The following LRRC1 variants were observed in gnomAD, a reference collection of about 807,000 sequenced individuals.
The protein encoded by LRRC1 is leucine rich repeat containing 1.
LRRC1 carries 28 observed loss-of-function variants against 69.9 expected under a neutral mutation model. That is an observed-to-expected ratio of 0.40 (90% confidence interval 0.30 to 0.55). The LOEUF is 0.55. Among genes scored for constraint, LRRC1 ranks in the 20% least tolerant of loss-of-function variants. The pLI, the probability that LRRC1 is intolerant of heterozygous loss-of-function variation, is 0.47. For missense variants in LRRC1, 498 were observed against 609.0 expected (o/e 0.82, Z 1.92); for synonymous variants, 236 against 240.2 (o/e 0.98, Z 0.16).
intron 4 of LRRC1, among the ~76,000 whole-genome samples, chr6:53,892,011 TACAC>T (rs70980877): frequency 0.38 from 51,221 of 135,346 alleles, 9,540 homozygotes; most frequent in Middle Eastern, 0.45. Context: ...TATATATATA[TACAC>T]ACACACACAC....
chr6:53,819,401 A>G (rs1464037063), intron 1 of LRRC1, among the ~76,000 whole-genome samples: 1 of 152,170 alleles, frequency 6.6e-6, no homozygotes, highest in Admixed American at 6.5e-5. Flanking sequence ...AGAAGACGTT[A>G]TGTTCCTACC....
rs532609224 is a variant in LRRC1, at chr6:53,817,818, C to T, written c.159+22403C>T. Among the ~76,000 whole-genome samples the T allele has an allele frequency of 2.0e-5, 3 of 151,996 alleles. No homozygotes were observed. In the East Asian group the frequency reaches 5.8e-4, roughly 29 times the overall value. On this transcript the variant is annotated intron_variant, in intron 1 of 13. Coordinates refer to ENST00000370888, the MANE Select transcript of LRRC1 (RefSeq NM_018214.5). ...TGCAGATTGCCTCAGTTTTTGTATC[C>T]CTAGAATCTAGGGTACTACAGTAAT...
intron 4 of LRRC1, among the ~76,000 whole-genome samples, chr6:53,893,627 C>T (rs1767773724): frequency 6.6e-6 from 1 of 152,242 alleles, no homozygotes; most frequent in African/African-American, 2.4e-5. Context: ...ATTGCAGATA[C>T]TCCAAAATCC....
chr6:53,856,932 G>C (rs528531519), intron 2 of LRRC1, among the ~76,000 whole-genome samples: 1 of 152,128 alleles, frequency 6.6e-6, no homozygotes, highest in Non-Finnish European at 1.5e-5. Context: ...TTGCTGGAGC[G>C]GGAGGGAGAG....
intron 1 of LRRC1, among the ~76,000 whole-genome samples, chr6:53,808,054 C>T (rs1188946522): frequency 1.3e-5 from 2 of 152,150 alleles, no homozygotes; most frequent in Non-Finnish European, 2.9e-5. Context: ...GGGTTTTCAT[C>T]AGTTGAAGTG....
Position 53,913,874 on chromosome 6 carries a change from C to T in LRRC1, c.1011C>T (p.Leu337=). The T allele has an allele frequency of 1.2e-6, 2 of 1,606,972 alleles. No individual in the cohort carries two copies. Among genetic ancestry groups the T allele is most frequent in the Non-Finnish European group, 1.7e-6 (2 of 1,174,986 alleles). Residue 337 remains leucine (L), a synonymous_variant, in exon 11 of 14, where the codon CTC becomes CTT. Transcript: ENST00000370888. The stretch of plus-strand genomic sequence containing the variant: ...CATAGATCGGCGGGTGCTGCAGCCT[C>T]ACTGTGTTCTGTGTACGTGACAACA... ...LPKEIGGCCS[L]TVFCVRDNRL...
In LRRC1 at chr6:53,828,415, GC is replaced by G. The variant is rs1462049297; in HGVS notation, c.160-13693del. On this transcript the variant is annotated intron_variant, in intron 1 of 13. Transcript: ENST00000370888. Reference sequence around the variant, plus strand: ...GGCTGATGCCGGAGGGGCTGGCCTAGCCAGGCTTGTCTCCGTTTTCCAATAT... The same window carrying G: ...GGCTGATGCCGGAGGGGCTGGCCTAGCAGGCTTGTCTCCGTTTTCCAATAT... 2.6e-5 allele frequency among the ~76,000 whole-genome samples: 4 copies of G among 152,220 alleles called. No individual in the cohort carries two copies. In the East Asian group the frequency reaches 7.7e-4, roughly 29 times the overall value.
chr6:53,900,575 C>T (rs1044448516), intron 8 of LRRC1, among the ~76,000 whole-genome samples: 9 of 152,116 alleles, frequency 5.9e-5, no homozygotes, highest in African/African-American at 1.9e-4. Flanking sequence ...AATTTGGCAT[C>T]CTAATAGTTC....
intron 2 of LRRC1, 142 bp from the exon 3 acceptor site, chr6:53,878,846 ATATAT>A: frequency 2.0e-6 from 1 of 504,746 alleles, no homozygotes; most frequent in Non-Finnish European, 3.5e-6. Context: ...GCAAATATAA[ATATAT>A]TAAAATACTT....
chr6:53,837,161 ATAAT>A lies in LRRC1; in HGVS notation c.160-4947_160-4944del, dbSNP rs902066193. On this transcript the variant is annotated intron_variant, in intron 1 of 13. Coordinates refer to ENST00000370888, the MANE Select transcript of LRRC1 (RefSeq NM_018214.5). ...TTTTTATAGTTTTGGGGTATTATAA[ATAAT>A]TCTTTCAAGCACATTTTTATATATA... 3.2e-4 allele frequency among the ~76,000 whole-genome samples: 48 copies of A among 151,650 alleles called. 1 individual carries two copies. The highest frequency in any genetic ancestry group is 1.8e-4 in the Non-Finnish European group (12 of 67,946).
intron 2 of LRRC1, among the ~76,000 whole-genome samples, chr6:53,870,549 G>A (rs1766848816): frequency 6.6e-6 from 1 of 152,110 alleles, no homozygotes; most frequent in Non-Finnish European, 1.5e-5. Context: ...ATGAAGTGCA[G>A]TGTTTTTGAT....
chr6:53,805,156 T>C (rs1364630419), intron 1 of LRRC1, among the ~76,000 whole-genome samples: 1 of 152,170 alleles, frequency 6.6e-6, no homozygotes, highest in Non-Finnish European at 1.5e-5. Flanking sequence ...ACGACTAACA[T>C]CTAATACTTG....
intron 10 of LRRC1, among the ~76,000 whole-genome samples, chr6:53,907,829 C>G (rs1159250418): frequency 6.6e-6 from 1 of 151,108 alleles, no homozygotes; most frequent in Non-Finnish European, 1.5e-5. Context: ...CAAAAGAATG[C>G]TTTTCTGTGA....
chr6:53,809,921 G>A (rs1408789989), intron 1 of LRRC1, among the ~76,000 whole-genome samples: 1 of 152,238 alleles, frequency 6.6e-6, no homozygotes, highest in African/African-American at 2.4e-5. Flanking sequence ...CCCGTGACTT[G>A]GTCCTGTGGT....
chr6:53,796,660 C>T (rs1764312148), intron 1 of LRRC1, among the ~76,000 whole-genome samples: 2 of 152,168 alleles, frequency 1.3e-5, no homozygotes, highest in South Asian at 4.1e-4. Context: ...CTTGGATTAA[C>T]TTTCCTGGGT....
intron 1 of LRRC1, among the ~76,000 whole-genome samples, chr6:53,826,077 TAGAA>T (rs1355392570): frequency 6.6e-6 from 1 of 151,898 alleles, no homozygotes; most frequent in Non-Finnish European, 1.5e-5. Context: ...CTAGTGTGTC[TAGAA>T]AGAACACACT....
At position 53,896,507 on chromosome 6, in the gene LRRC1, C is replaced by A. The variant is rs767103862; in HGVS notation, c.456C>A (p.Asn152Lys). ...TTCTGTTCATTTCTAGTCTTTATAA[C>A]CTGGCTTCACTGGAACTGAGAGAGA... The part of the protein sequence containing the change: ...SLPENIGNLY[N>K]LASLELRENL... The change falls in exon 5 of 14, where the codon AAC becomes AAA. Residue 152 changes from asparagine to lysine, a missense_variant. Physicochemically the swap from Asn to Lys is moderately conservative, Grantham distance 94. Coordinates refer to ENST00000370888, the MANE Select transcript of LRRC1 (RefSeq NM_018214.5). 52 of 1,612,834 alleles carry A rather than the reference C, an allele frequency of 3.2e-5. No homozygotes were observed. Among genetic ancestry groups the A allele is most frequent in the Non-Finnish European group, 3.2e-5 (38 of 1,179,196 alleles).
rs3222575 is a variant in LRRC1, at chr6:53,851,173, G to GACACACACACACACAC, written c.277+8963_277+8978dup. Among the ~76,000 whole-genome samples, 27 of 144,780 alleles carry GACACACACACACACAC rather than the reference G, an allele frequency of 1.9e-4. No individual in the cohort carries two copies. In the East Asian group the frequency reaches 2.0e-3, roughly 11 times the overall value. The allele number at this position is 144,780 out of a possible 152,430, so 95.0% of individuals were successfully genotyped here. The stretch of plus-strand genomic sequence containing the variant: ...GTCTCCAGGGAAACAGAACTAATAG[G>GACACACACACACACAC]ACACACACACACACACACACACACA... On this transcript the variant is annotated intron_variant, in intron 2 of 13. Transcript: ENST00000370888.
At chr6:53,901,221 A>G (rs1265675633) in intron 8 of LRRC1, among the ~76,000 whole-genome samples, 3 of 152,208 alleles carry the variant, frequency 2.0e-5, no homozygotes, top group Admixed American at 6.5e-5. Context: ...CAGCTTTCTG[A>G]TCAAATGGGC....
Sources: allele counts gnomAD v4.1 joint callset (sites outside exome capture counted in the v4.1 genomes callset), GRCh38; gene constraint gnomAD v4.1.1; transcripts MANE v1.5; gene names NCBI Gene and HGNC (gene_info 2026-07-23, HGNC 2026-07-21).